The following NAPRT variants were observed in gnomAD, a reference collection of about 807,000 sequenced individuals.
NAPRT encodes FHA-HIT-interacting protein.
NAPRT carries 66 observed loss-of-function variants against 60.7 expected under a neutral mutation model. The observed-to-expected ratio is 1.09, with a 90% CI of 0.89 to 1.33. The LOEUF is 1.33. Among genes scored for constraint, NAPRT ranks in the 40% most tolerant of loss-of-function variants. The pLI, the probability that NAPRT is intolerant of heterozygous loss-of-function variation, is 0.00. For synonymous variants in NAPRT, 405 were observed against 335.7 expected (o/e 1.21, Z -2.26); for missense variants, 818 against 731.5 (o/e 1.12, Z -1.36).
chr8:143,577,714 G>C lies in NAPRT; in HGVS notation c.380C>G (p.Pro127Arg). Residue 127 changes from proline (P) to arginine (R), a missense_variant, in exon 3 of 13, where the codon CCG becomes CGG. Physicochemically the swap from Pro to Arg is moderately radical, Grantham distance 103. Transcript: ENST00000449291. ...PGVPLLQVSG[P>R]LLVVQLLETP... ...CTCCAGCAGCTGCACCACCAGGAGC[G>C]GCCCGGACACCTGCAGGAGCGGCAC... 6 of 1,546,232 alleles carry C rather than the reference G, an allele frequency of 3.9e-6. No homozygotes were observed. The highest frequency in any genetic ancestry group is 5.2e-6 in the Non-Finnish European group (6 of 1,148,808).
Position 143,575,247 on chromosome 8 carries a change from T to G in NAPRT, c.1390A>C (p.Thr464Pro). Reference protein sequence around the residue: ...VWPPGAQEPCTVRPAQVEPLL... With the variant: ...VWPPGAQEPCPVRPAQVEPLL... ...GGCTCCACCTGGGCTGGCCTCACGGTGCAGGGCTCCTGGGCCCCTGGAGGC... is the reference window on the plus strand; with the variant it reads ...GGCTCCACCTGGGCTGGCCTCACGGGGCAGGGCTCCTGGGCCCCTGGAGGC... Residue 464 changes from threonine (T) to proline (P), a missense_variant, in exon 11 of 13, where the codon ACC becomes CCC. Physicochemically the swap from Thr to Pro is conservative, Grantham distance 38. Coordinates refer to ENST00000449291, the MANE Select transcript of NAPRT (RefSeq NM_145201.6). 6.2e-7 allele frequency: 1 copy of G among 1,612,532 alleles called. No individual in the cohort carries two copies. The highest frequency in any genetic ancestry group is 8.5e-7 in the Non-Finnish European group (1 of 1,179,932).
chr8:143,574,930 G>A, intron 12 of NAPRT, 30 bp from the exon 13 acceptor site: 3 of 1,550,342 alleles, frequency 1.9e-6, no homozygotes, highest in Non-Finnish European at 2.6e-6. Context: ...GGAGCGGTGG[G>A]CAGGGTGAGG....
rs924096063 is a variant in NAPRT at position 143,578,219 on chromosome 8, G to A, written c.100C>T (p.Arg34Trp). 95 of 1,504,248 alleles carry A rather than the reference G, an allele frequency of 6.3e-5. 1 individual carries two copies. Among genetic ancestry groups the A allele is most frequent in the Non-Finnish European group, 7.6e-5 (86 of 1,131,684 alleles). The allele number at this position is 1,504,248 out of a possible 1,614,324, so 93.2% of individuals were successfully genotyped here. Reference sequence around the variant, plus strand: ...TCGAACTCGGCGGCGTCCCGCGCCCGGCCCGCGCGCCAATAGCCCAACGCC... The same window carrying A: ...TCGAACTCGGCGGCGTCCCGCGCCCAGCCCGCGCGCCAATAGCCCAACGCC... ...TMALGYWRAG[R>W]ARDAAEFELF... Residue 34 changes from arginine (R) to tryptophan (W), a missense_variant, in exon 1 of 13, where the codon CGG becomes TGG. Transcript: ENST00000449291.
At chr8:143,575,128 G>A (rs1210518586) in intron 11 of NAPRT, 35 bp from the exon 12 acceptor site, 2 of 1,560,982 alleles carry the variant, frequency 1.3e-6, no homozygotes, top group Admixed American at 3.8e-5. Flanking sequence ...GAAGCTTGGG[G>A]CTAGCTCCCA....
chr8:143,574,377 G>A (rs1340149494), downstream of NAPRT, among the ~76,000 whole-genome samples: 1 of 152,206 alleles, frequency 6.6e-6, no homozygotes, highest in African/African-American at 2.4e-5. Flanking sequence ...CTGACCCTGA[G>A]CCTGGGGGGC....
chr8:143,575,607 C>A lies in NAPRT; in HGVS notation c.1188+15G>T. 1 of 1,586,658 alleles carries A rather than the reference C, an allele frequency of 6.3e-7. No homozygotes were observed. The highest frequency in any genetic ancestry group is 2.3e-5 in the East Asian group (1 of 43,858). ...TCAGACCTGCCCCCACCTGGGCCCC[C>A]GACACTGTCCCTACCTTATAGACGC... is the stretch of plus-strand genomic sequence containing the variant. On this transcript the variant is annotated intron_variant, in intron 9 of 12. Transcript: ENST00000449291.
At position 143,577,318 on chromosome 8, in the gene NAPRT, A is replaced by G; in HGVS notation, c.519T>C (p.Ala173=). 2.5e-6 allele frequency: 4 copies of G among 1,603,162 alleles called. No homozygotes were observed. The highest frequency in any genetic ancestry group is 3.4e-6 in the Non-Finnish European group (4 of 1,176,142). ...KRLLEMGLRR[A]QGPDGGLTAS... Reference sequence around the variant, plus strand: ...CTGTCAGGCCCCCATCGGGGCCCTGAGCCCGCCTCAGGCCCATCTCTAGCA... The same window carrying G: ...CTGTCAGGCCCCCATCGGGGCCCTGGGCCCGCCTCAGGCCCATCTCTAGCA... The change falls in exon 4 of 13, where the codon GCT becomes GCC. Residue 173 remains alanine, a synonymous_variant. Coordinates refer to ENST00000449291, the MANE Select transcript of NAPRT (RefSeq NM_145201.6).
chr8:143,577,073 G>A lies in NAPRT; in HGVS notation c.673C>T (p.Pro225Ser). The A allele has an allele frequency of 6.2e-7, 1 of 1,612,792 alleles. No homozygotes were observed. Among genetic ancestry groups the A allele is most frequent in the Admixed American group, 1.7e-5 (1 of 60,014 alleles). Residue 225 changes from proline to serine, a missense_variant, in exon 5 of 13, where the codon CCC (proline) becomes TCC (serine). Physicochemically the swap from Pro to Ser is moderately conservative, Grantham distance 74. Transcript: ENST00000449291. ...FVTSFSGSEV[P>S]PDPMLAPAAG... ...GAGGAGGGACTGACCGGGTCAGGGG[G>A]CACCTCGCTGCCTGAAAAGGAAGTG...
Position 143,577,796 on chromosome 8 carries a change from G to A in NAPRT, c.354+20C>T, listed in dbSNP as rs1214084674. ...CCCAGCACCCCGTGGCCGCCGCGCCGCCCGCTTACCCCTACTCACTCCGGG... is the reference window on the plus strand; with the variant it reads ...CCCAGCACCCCGTGGCCGCCGCGCCACCCGCTTACCCCTACTCACTCCGGG... On this transcript the variant is annotated intron_variant, in intron 2 of 12. Transcript: ENST00000449291. The A allele has an allele frequency of 1.9e-6, 3 of 1,592,126 alleles. No homozygotes were observed. The highest frequency in any genetic ancestry group is 2.6e-6 in the Non-Finnish European group (3 of 1,171,026).
At chr8:143,573,633 C>T (rs370548520), downstream of NAPRT, 1 of 152,274 alleles carries the variant, frequency 6.6e-6, no homozygotes, top group African/African-American at 2.4e-5. Flanking sequence ...AATTAAACCT[C>T]TCTTCCTTAG....
intron 4 of NAPRT, 31 bp downstream of exon 4, chr8:143,577,238 G>T (rs1439390716): frequency 6.2e-7 from 1 of 1,605,906 alleles, no homozygotes; most frequent in Non-Finnish European, 8.5e-7. Flanking sequence ...CTCCTTCCCG[G>T]CCCTTGCCTT....
In NAPRT at chr8:143,578,124, G is replaced by A; in HGVS notation, c.195C>T (p.Arg65=). Residue 65 remains arginine (R), a synonymous_variant, in exon 1 of 13, where the codon CGC becomes CGT. Transcript: ENST00000449291. ...ALAAGLRDCV[R]FLRAFRLRDA... is the part of the protein sequence containing the mutation. ...CCCGCAGGCGGAAGGCGCGCAGGAA[G>A]CGCACACAGTCGCGCAAGCCGGCGG... 1 of 1,530,506 alleles carries A rather than the reference G, an allele frequency of 6.5e-7. No individual in the cohort carries two copies. The highest frequency in any genetic ancestry group is 8.7e-7 in the Non-Finnish European group (1 of 1,145,576). 94.8% of individuals were successfully genotyped at this position (1,530,506 alleles called of 1,614,324 possible).
Position 143,576,591 on chromosome 8 carries a change from G to C in NAPRT, c.882-19C>G. The C allele has an allele frequency of 1.2e-6, 2 of 1,607,878 alleles. No individual in the cohort carries two copies. The highest frequency in any genetic ancestry group is 1.7e-6 in the Non-Finnish European group (2 of 1,176,824). ...ACCACTCCTGCAGAAATAGATAAGG[G>C]AGTCAGAGGCTGCTGAGGTTCTGCT... On this transcript the variant is annotated intron_variant, in intron 6 of 12. Coordinates refer to ENST00000449291, the MANE Select transcript of NAPRT (RefSeq NM_145201.6).
intron 11 of NAPRT, 31 bp from the exon 12 acceptor site, chr8:143,575,124 T>G (rs1282218606): frequency 1.9e-6 from 3 of 1,555,908 alleles, no homozygotes; most frequent in Admixed American, 3.8e-5. Context: ...AAGAGAAGCT[T>G]GGGGCTAGCT....
chr8:143,572,882 G>A (rs1000142130), downstream of NAPRT: 1 of 787,170 alleles, frequency 1.3e-6, no homozygotes, highest in Non-Finnish European at 1.9e-6. Flanking sequence ...GGGCCTTTGA[G>A]GGGCCCTCCT....
At chr8:143,573,427 G>C (rs1193489478), downstream of NAPRT, 1 of 152,214 alleles carries the variant, frequency 6.6e-6, no homozygotes, top group Non-Finnish European at 1.5e-5. Context: ...GAAGTGATTG[G>C]ATCCTGGGGG....
At position 143,577,263 on chromosome 8, in the gene NAPRT, A is replaced by G. The variant is rs376787255; in HGVS notation, c.568+6T>C. 2.5e-6 allele frequency: 4 copies of G among 1,608,078 alleles called. No homozygotes were observed. The highest frequency in any genetic ancestry group is 1.3e-5 in the African/African-American group (1 of 74,774). ...GCCCTTGCCTTGCCCCGCACCAGAC[A>G]CTCACCGCCCAGGTAGCTGTAGGTG... On this transcript the variant is annotated splice_donor_region_variant and intron_variant, in intron 4 of 12. Coordinates refer to ENST00000449291, the MANE Select transcript of NAPRT (RefSeq NM_145201.6).
intron 1 of NAPRT, 46 bp from the exon 2 acceptor site, chr8:143,577,989 G>A: frequency 6.3e-7 from 1 of 1,580,976 alleles, no homozygotes; most frequent in African/African-American, 1.3e-5. Flanking sequence ...GGACAGACCG[G>A]TCGTGGGACA....
Position 143,576,658 on chromosome 8 carries a change from T to C in NAPRT, c.869A>G (p.Tyr290Cys). Residue 290 changes from tyrosine (Y) to cysteine (C), a missense_variant, in exon 6 of 13, where the codon TAC becomes TGC. Coordinates refer to ENST00000449291, the MANE Select transcript of NAPRT (RefSeq NM_145201.6). The part of the protein sequence containing the change: ...PRAFQGLLDT[Y>C]SVWRSGLPNF... ...TGCCCGGGCTCACCTCCACACGCTG[T>C]AGGTGTCCAGGAGGCCCTGGAAGGC... is the stretch of plus-strand genomic sequence containing the variant. 1 of 1,611,120 alleles carries C rather than the reference T, an allele frequency of 6.2e-7. No homozygotes were observed. Among genetic ancestry groups the C allele is most frequent in the Non-Finnish European group, 8.5e-7 (1 of 1,179,146 alleles).
Sources: gnomAD v4.1 joint callset for allele counts (sites outside exome capture counted in the v4.1 genomes callset) on GRCh38, gnomAD v4.1.1 for gene constraint, MANE v1.5 for transcripts, NCBI Gene and HGNC (gene_info 2026-07-23, HGNC 2026-07-21) for gene names.